Variants in ADAMTS9 observed in about 807,000 individuals in gnomAD.
The protein encoded by ADAMTS9 is A disintegrin and metalloproteinase with thrombospondin motifs 9.
In ADAMTS9, 107 loss-of-function variants were observed where a neutral mutation model predicts 257.1. The observed-to-expected ratio is 0.42, with a 90% confidence interval of 0.36 to 0.49. ADAMTS9 has a LOEUF of 0.49. Among genes scored for constraint, ADAMTS9 ranks in the 20% least tolerant of loss-of-function variants. The pLI is 0.03. For missense variants in ADAMTS9, 2,353 were observed against 2,469.1 expected, an observed-to-expected ratio of 0.95 and a Z score of 1.00; for synonymous variants, 982 against 880.9, an observed-to-expected ratio of 1.11 and a Z score of -2.03.
rs61735958 is a variant in ADAMTS9 at position 64,686,825 on chromosome 3, C to A, written c.259G>T (p.Ala87Ser). The change falls in exon 2 of 40, where the codon GCC (alanine) becomes TCC (serine). Residue 87 changes from alanine (A) to serine (S), a missense_variant. Coordinates refer to ENST00000498707, the MANE Select transcript of ADAMTS9 (RefSeq NM_182920.2). This position sits in a 1 kb window ranked among gnomAD's most constrained non-coding sequence, Gnocchi z 4.6. ...NSATDPWPAF[A>S]SSSSSSTSSQ... is the part of the protein sequence containing the mutation. ...GAGGTAGAGGAGGAAGAGGAGGAGG[C>A]GAAGGCAGGCCAGGGGTCAGTGGCA... 2,632 of 1,613,990 alleles carry A rather than the reference C, an allele frequency of 1.6e-3. 42 individuals are homozygous for A. The African/African-American group carries it at 0.03, about 19-fold the overall frequency.
chr3:64,662,632 C>CT (rs1484029688), intron 3 of ADAMTS9, among the ~76,000 whole-genome samples: 1 of 152,044 alleles, frequency 6.6e-6, no homozygotes, highest in Non-Finnish European at 1.5e-5. Context: ...TATAAATTGA[C>CT]TTTTTTATCA....
intron 37 of ADAMTS9, among the ~76,000 whole-genome samples, chr3:64,537,762 G>A (rs987348512): frequency 6.6e-6 from 1 of 152,166 alleles, no homozygotes; most frequent in African/African-American, 2.4e-5. Context: ...TTTAACAACA[G>A]CTTTGTGAAG....
At chr3:64,676,379 A>G (rs1355719400) in intron 3 of ADAMTS9, among the ~76,000 whole-genome samples, 2 of 152,176 alleles carry the variant, frequency 1.3e-5, no homozygotes, top group Non-Finnish European at 1.5e-5. Flanking sequence ...CATGCAAAGG[A>G]GTCACAAAAT....
rs1482830656 is a variant in ADAMTS9 at position 64,556,727 on chromosome 3, T to TTCCC, written c.4698+4850_4698+4851insGGGA. Among the ~76,000 whole-genome samples, 21 of 149,440 alleles carry TTCCC rather than the reference T, an allele frequency of 1.4e-4. No homozygotes were observed. In the East Asian group the frequency reaches 4.4e-3, roughly 31 times the overall value. ...GTTCTATGTTTTTTTCCTTCCTTCC[T>TTCCC]TCCTTCCTTCCTTCCTTCCTTCCTT... On this transcript the variant is annotated intron_variant, in intron 30 of 39. Coordinates refer to ENST00000498707, the MANE Select transcript of ADAMTS9 (RefSeq NM_182920.2).
intron 3 of ADAMTS9, among the ~76,000 whole-genome samples, chr3:64,661,818 C>T (rs1381776150): frequency 1.3e-5 from 2 of 152,050 alleles, no homozygotes; most frequent in African/African-American, 4.8e-5. Context: ...ATAGTCCTTG[C>T]TTAATGTCTT....
At chr3:64,566,323 C>G (rs1039860544) in intron 29 of ADAMTS9, among the ~76,000 whole-genome samples, 1 of 152,206 alleles carries the variant, frequency 6.6e-6, no homozygotes, top group Non-Finnish European at 1.5e-5. Flanking sequence ...TTTACCCATG[C>G]AGTACTTTGT....
At chr3:64,584,800 A>T (rs962425359) in intron 28 of ADAMTS9, among the ~76,000 whole-genome samples, 2 of 152,020 alleles carry the variant, frequency 1.3e-5, no homozygotes, top group Non-Finnish European at 2.9e-5. Flanking sequence ...TCCCTGAAAA[A>T]TTTGAGAGTA....
chr3:64,539,442 T>A, intron 36 of ADAMTS9, 148 bp from the exon 37 acceptor site: 1 of 698,752 alleles, frequency 1.4e-6, no homozygotes, highest in Non-Finnish European at 2.5e-6. Flanking sequence ...TATTAGTGGG[T>A]AAATGGATCC....
chr3:64,538,457 C>T (rs1188586506), intron 37 of ADAMTS9, among the ~76,000 whole-genome samples: 2 of 150,636 alleles, frequency 1.3e-5, no homozygotes, highest in East Asian at 1.9e-4. Flanking sequence ...TTAGGAAACC[C>T]GGCAAAGTTA....
At chr3:64,649,510 A>G (rs1431728069) in intron 10 of ADAMTS9, 127 bp downstream of exon 10, 1 of 1,070,526 alleles carries the variant, frequency 9.3e-7, no homozygotes, top group East Asian at 2.6e-5. Context: ...ATGATCACTA[A>G]TATGCAATTT....
At chr3:64,651,367 G>A (rs868281947) in intron 8 of ADAMTS9, among the ~76,000 whole-genome samples, 4 of 152,142 alleles carry the variant, frequency 2.6e-5, no homozygotes, top group South Asian at 4.1e-4. Flanking sequence ...AACTTAATAC[G>A]AAGTGTAAAG....
chr3:64,609,165 A>T (rs2084620426), intron 22 of ADAMTS9, among the ~76,000 whole-genome samples: 1 of 152,152 alleles, frequency 6.6e-6, no homozygotes, highest in Admixed American at 6.6e-5. Flanking sequence ...AGCTAACACC[A>T]TACTCAATAG....
chr3:64,654,701 A>G lies in ADAMTS9; in HGVS notation c.1170-89T>C, dbSNP rs1375366240. 1.8e-5 allele frequency: 25 copies of G among 1,409,138 alleles called. 1 individual carries two copies. The highest frequency in any genetic ancestry group is 3.6e-5 in the South Asian group (3 of 82,244). The allele number at this position is 1,409,138 out of a possible 1,614,324, so 87.3% of individuals were successfully genotyped here. On this transcript the variant is annotated intron_variant, in intron 6 of 39. Transcript: ENST00000498707. Reference sequence around the variant, plus strand: ...CTTTAGGGTCGTCTAGGCATTCACAACAGTACACACTTTGGGGTGGGGGTT... The same window carrying G: ...CTTTAGGGTCGTCTAGGCATTCACAGCAGTACACACTTTGGGGTGGGGGTT...
chr3:64,603,057 C>T (rs1559786853), intron 25 of ADAMTS9, among the ~76,000 whole-genome samples: 1 of 152,274 alleles, frequency 6.6e-6, no homozygotes, highest in East Asian at 1.9e-4. Context: ...AGATTATCTA[C>T]TATTTATTGA....
intron 19 of ADAMTS9, 46 bp downstream of exon 19, chr3:64,621,068 A>C: frequency 6.4e-7 from 1 of 1,554,544 alleles, no homozygotes; most frequent in Non-Finnish European, 8.7e-7. Context: ...CTCCTGCAAG[A>C]CTCTCACAAT....
chr3:64,614,554 TA>T (rs2084725313), intron 21 of ADAMTS9, among the ~76,000 whole-genome samples: 1 of 152,184 alleles, frequency 6.6e-6, no homozygotes, highest in Non-Finnish European at 1.5e-5. Context: ...TTTGGCCCAT[TA>T]AAAAGGAAAC....
chr3:64,557,872 T>C (rs1240142609), intron 30 of ADAMTS9, among the ~76,000 whole-genome samples: 3 of 152,202 alleles, frequency 2.0e-5, no homozygotes, highest in Non-Finnish European at 4.4e-5. Flanking sequence ...CACTTTTCTC[T>C]TGTCCAATTA....
intron 11 of ADAMTS9, among the ~76,000 whole-genome samples, chr3:64,642,361 T>A (rs1452734617): frequency 6.6e-6 from 1 of 152,134 alleles, no homozygotes; most frequent in Admixed American, 6.5e-5. Flanking sequence ...CATAGTGAAT[T>A]TCCATCAACA....
chr3:64,534,860 T>G (rs191472129), intron 37 of ADAMTS9, among the ~76,000 whole-genome samples: 26 of 152,222 alleles, frequency 1.7e-4, no homozygotes, highest in African/African-American at 6.3e-4. Context: ...CAGCCCACAA[T>G]AGAGAATTCT....
Sources: gnomAD v4.1 joint callset for allele counts (sites outside exome capture counted in the v4.1 genomes callset) on GRCh38, gnomAD v4.1.1 for gene constraint, Gnocchi (gnomAD v3.1) non-coding constraint, MANE v1.5 for transcripts, NCBI Gene and HGNC (gene_info 2026-07-23, HGNC 2026-07-21) for gene names.